Variants in LIN52 observed in about 807,000 individuals in gnomAD.
LIN52 encodes the protein lin-52 DREAM MuvB core complex component.
LIN52 carries 4 observed loss-of-function variants against 18.5 expected under a neutral mutation model. The observed-to-expected ratio is 0.22, with a 90% CI of 0.11 to 0.49. The LOEUF (loss-of-function observed/expected upper bound fraction) is 0.49, where lower values mean the gene tolerates loss of function less well. Ranked by LOEUF, LIN52 falls within the 20% of genes least tolerant of loss-of-function variation. The pLI, the probability that LIN52 is intolerant of heterozygous loss-of-function variation, is 0.97. For synonymous variants in LIN52, 34 were observed against 45.5 expected (o/e 0.75, Z 1.02); for missense variants, 102 against 139.5 (o/e 0.73, Z 1.35).
chr14:74,142,779 A>G (rs2061137075), intron 5 of LIN52, among the ~76,000 whole-genome samples: 1 of 147,354 alleles, frequency 6.8e-6, no homozygotes, highest in East Asian at 2.1e-4. Flanking sequence ...AAACGGAAGA[A>G]TCTGAAACAG....
In LIN52 at chr14:74,200,713, G is replaced by A. The variant is rs1331650806; in HGVS notation, c.*1736G>A. On this transcript the variant is annotated 3_prime_UTR_variant, in exon 6 of 6. Coordinates refer to ENST00000555028, the MANE Select transcript of LIN52 (RefSeq NM_001024674.3). ...GAGAAGTAAAACATTCTGCTGGGGT[G>A]CTACATAGAAGGTTAGGTTGTAGGG... The A allele has an allele frequency of 6.6e-6, 1 of 152,242 alleles. No homozygotes were observed. Among genetic ancestry groups the A allele is most frequent in the Admixed American group, 6.5e-5 (1 of 15,290 alleles). The allele number at this position is 152,242 out of a possible 1,614,324, so 9.4% of individuals were successfully genotyped here.
At chr14:74,128,276 C>CA (rs1282427439) in intron 5 of LIN52, among the ~76,000 whole-genome samples, 1 of 151,844 alleles carries the variant, frequency 6.6e-6, no homozygotes, top group African/African-American at 2.4e-5. Flanking sequence ...GAGGCCAAGA[C>CA]AGCTAGAGTT....
At chr14:74,108,830 G>A (rs2060911742) in intron 5 of LIN52, among the ~76,000 whole-genome samples, 1 of 151,968 alleles carries the variant, frequency 6.6e-6, no homozygotes, top group South Asian at 2.1e-4. Context: ...TATATGACTT[G>A]CAAAAGTTTT....
At chr14:74,085,211 A>C (rs2139833488) in intron 1 of LIN52, 2 of 399,848 alleles carry the variant, frequency 5.0e-6, no homozygotes, top group Middle Eastern at 1.1e-3. Context: ...AGGCGTGTGG[A>C]GGAGGGCACT....
intron 5 of LIN52, among the ~76,000 whole-genome samples, chr14:74,148,427 G>A (rs2061162699): frequency 6.6e-6 from 1 of 152,120 alleles, no homozygotes; most frequent in South Asian, 2.1e-4. Flanking sequence ...CAAGGCAAAT[G>A]TATAAAAAGT....
At chr14:74,103,675 G>C (rs1170312326) in intron 5 of LIN52, among the ~76,000 whole-genome samples, 1 of 144,810 alleles carries the variant, frequency 6.9e-6, no homozygotes, top group Non-Finnish European at 1.5e-5. Context: ...CAGGTGATCT[G>C]CCCAACTCCG....
chr14:74,114,026 G>T (rs982704491), intron 5 of LIN52: 66 of 344,180 alleles, frequency 1.9e-4, no homozygotes, highest in Admixed American at 1.7e-3. Flanking sequence ...TGTCACCCAG[G>T]CTGGAGTGCA....
intron 5 of LIN52, among the ~76,000 whole-genome samples, chr14:74,150,306 A>T (rs890633475): frequency 5.3e-5 from 8 of 152,356 alleles, no homozygotes; most frequent in Admixed American, 2.6e-4. Flanking sequence ...GCAAAAATTT[A>T]TTATTGATAA....
At chr14:74,127,054 T>TA (rs2061033557) in intron 5 of LIN52, among the ~76,000 whole-genome samples, 1 of 152,214 alleles carries the variant, frequency 6.6e-6, no homozygotes, top group Admixed American at 6.5e-5. Flanking sequence ...CTAAGGTCCT[T>TA]ACAGCATTAA....
At chr14:74,144,425 C>T (rs2061145615) in intron 5 of LIN52, among the ~76,000 whole-genome samples, 2 of 152,064 alleles carry the variant, frequency 1.3e-5, no homozygotes, top group East Asian at 3.9e-4. Flanking sequence ...CTGTGCCCAG[C>T]CTCAAATTAT....
intron 5 of LIN52, among the ~76,000 whole-genome samples, chr14:74,148,289 C>T (rs2061162045): frequency 6.6e-6 from 1 of 152,128 alleles, no homozygotes; most frequent in African/African-American, 2.4e-5. Context: ...CAAAGGTTCA[C>T]ATCTATTTCT....
chr14:74,091,451 C>T (rs1595143816), intron 2 of LIN52, 145 bp downstream of exon 2: 2 of 569,512 alleles, frequency 3.5e-6, no homozygotes, highest in East Asian at 5.9e-5. Context: ...TGTATACAAA[C>T]TTTAGTGACA....
chr14:74,094,856 TA>T (rs1200076729), intron 2 of LIN52, among the ~76,000 whole-genome samples: 1 of 152,060 alleles, frequency 6.6e-6, no homozygotes, highest in Admixed American at 6.6e-5. Context: ...GCCTCCTGAA[TA>T]GCTGGGACTA....
At chr14:74,099,679 T>A (rs1183577511) in intron 4 of LIN52, among the ~76,000 whole-genome samples, 1 of 151,978 alleles carries the variant, frequency 6.6e-6, no homozygotes, top group East Asian at 1.9e-4. Context: ...TCAGAGTTTT[T>A]AAGGATAATT....
intron 5 of LIN52, among the ~76,000 whole-genome samples, chr14:74,157,459 A>T (rs8018021): frequency 0.5 from 69,773 of 139,876 alleles, 16,557 homozygotes; most frequent in African/African-American, 0.56. Context: ...ATATATATAT[A>T]TTTTTTAATT....
chr14:74,092,222 T>G (rs1046508131), intron 2 of LIN52, among the ~76,000 whole-genome samples: 2 of 151,242 alleles, frequency 1.3e-5, no homozygotes, highest in Non-Finnish European at 2.9e-5. Flanking sequence ...TCCACCTGCC[T>G]CAGCGTCCCA....
chr14:74,157,728 C>T (rs2061205777), intron 5 of LIN52, among the ~76,000 whole-genome samples: 3 of 151,946 alleles, frequency 2.0e-5, no homozygotes, highest in Admixed American at 2.0e-4. Context: ...TCCTGCTTAT[C>T]AAAGTTCTAT....
At chr14:74,161,450 G>A (rs982227830) in intron 5 of LIN52, among the ~76,000 whole-genome samples, 1 of 152,188 alleles carries the variant, frequency 6.6e-6, no homozygotes, top group African/African-American at 2.4e-5. Flanking sequence ...CCTCTCAAAA[G>A]TGCTGGGATT....
Position 74,198,940 on chromosome 14 carries a change from G to A in LIN52, c.302G>A (p.Gly101Glu). 1 of 1,613,018 alleles carries A rather than the reference G, an allele frequency of 6.2e-7. No homozygotes were observed. Among genetic ancestry groups the A allele is most frequent in the Non-Finnish European group, 8.5e-7 (1 of 1,179,240 alleles). ...ATTCCAGCCAGAGAGATGACACGGG[G>A]GAAATTCCTCAATATTCTAGAGAAG... is the stretch of plus-strand genomic sequence containing the variant. ...GLDESREMTR[G>E]KFLNILEKPK... Residue 101 changes from glycine to glutamate, a missense_variant, in exon 6 of 6, where the codon GGG becomes GAG. Transcript: ENST00000555028.
Sources: allele counts gnomAD v4.1 joint callset (sites outside exome capture counted in the v4.1 genomes callset), GRCh38; gene constraint gnomAD v4.1.1; transcripts MANE v1.5; gene names NCBI Gene and HGNC (gene_info 2026-07-23, HGNC 2026-07-21).